AFG2A: variants seen among roughly 807,000 people sequenced by gnomAD.
AFG2A encodes ATPase family gene 2 protein homolog A.
At chr4:123,063,162 A>T in the AFG2A span, among the ~76,000 whole-genome samples, 1 of 152,102 alleles carries the variant, frequency 6.6e-6, no homozygotes, top group African/African-American at 2.4e-5. Context: ...TATTTTGTTC[A>T]TTTTTTTGTT....
the AFG2A span, among the ~76,000 whole-genome samples, chr4:123,006,034 G>A: frequency 1.3e-5 from 2 of 149,476 alleles, no homozygotes; most frequent in Admixed American, 1.3e-4. Context: ...CTGGTATCAT[G>A]TTCCTTACTC....
chr4:123,061,318 A>T, the AFG2A span, among the ~76,000 whole-genome samples: 2 of 152,214 alleles, frequency 1.3e-5, no homozygotes, highest in Admixed American at 1.3e-4. Flanking sequence ...TTACCAGTTT[A>T]CTGGATTAGT....
chr4:123,200,319 T>C, the AFG2A span, among the ~76,000 whole-genome samples: 1 of 152,258 alleles, frequency 6.6e-6, no homozygotes, highest in African/African-American at 2.4e-5. Context: ...TTATTTCATA[T>C]GGTACTCAGA....
At chr4:123,253,870 G>A in the AFG2A span, among the ~76,000 whole-genome samples, 1,989 of 152,038 alleles carry the variant, frequency 0.013, 39 homozygotes, top group African/African-American at 0.045. Context: ...GTCCTTGATC[G>A]GTCTTTGGTA....
chr4:123,214,739 A>G, the AFG2A span, among the ~76,000 whole-genome samples: 2 of 152,226 alleles, frequency 1.3e-5, no homozygotes, highest in Non-Finnish European at 2.9e-5. Flanking sequence ...GACGATAAGG[A>G]TGAAGACATG....
chr4:123,171,557 A>G, the AFG2A span, among the ~76,000 whole-genome samples: 1 of 152,088 alleles, frequency 6.6e-6, no homozygotes, highest in Admixed American at 6.6e-5. Context: ...ATTCTAGACT[A>G]TAGTAAGTGA....
At chr4:123,192,454 A>G in the AFG2A span, among the ~76,000 whole-genome samples, 118,995 of 152,160 alleles carry the variant, frequency 0.78, 47,308 homozygotes, top group Non-Finnish European at 0.86. Context: ...GATATGCACC[A>G]TCTAAAGATG....
At chr4:123,007,417 C>T in the AFG2A span, among the ~76,000 whole-genome samples, 1 of 151,448 alleles carries the variant, frequency 6.6e-6, no homozygotes, top group African/African-American at 2.4e-5. Context: ...TATTTGGCAG[C>T]CACTTTTCCG....
the AFG2A span, among the ~76,000 whole-genome samples, chr4:122,926,254 TGTGTG>T: frequency 1.3e-5 from 2 of 152,116 alleles, no homozygotes; most frequent in Non-Finnish European, 2.9e-5. Flanking sequence ...TGAGAACACT[TGTGTG>T]GTAATTGTCA....
chr4:123,057,122 G>C, the AFG2A span: 1 of 1,362,688 alleles, frequency 7.3e-7, no homozygotes, highest in Non-Finnish European at 1.0e-6. Context: ...TAATAGGTTT[G>C]GTTCTAAATA....
chr4:123,278,108 G>T, the AFG2A span, among the ~76,000 whole-genome samples: 1 of 151,958 alleles, frequency 6.6e-6, no homozygotes, highest in Non-Finnish European at 1.5e-5. Context: ...TTTCTTGGTT[G>T]GTAGGCTTTT....
the AFG2A span, among the ~76,000 whole-genome samples, chr4:123,190,117 A>T: frequency 6.6e-6 from 1 of 152,102 alleles, no homozygotes; most frequent in Non-Finnish European, 1.5e-5. Context: ...AATATTGGAA[A>T]TACACTGTTC....
chr4:122,942,168 C>T, the AFG2A span, among the ~76,000 whole-genome samples: 1 of 150,762 alleles, frequency 6.6e-6, no homozygotes, highest in Non-Finnish European at 1.5e-5. Context: ...AGGGAGGATT[C>T]CCTCTTTTTC....
the AFG2A span, among the ~76,000 whole-genome samples, chr4:123,103,638 C>T: frequency 2.6e-4 from 39 of 151,892 alleles, no homozygotes; most frequent in African/African-American, 8.9e-4. Flanking sequence ...ACATAGTATC[C>T]GACAATCTCA....
the AFG2A span, among the ~76,000 whole-genome samples, chr4:122,985,229 G>T: frequency 6.6e-6 from 1 of 151,308 alleles, no homozygotes; most frequent in African/African-American, 2.4e-5. Context: ...AGATTCAAGC[G>T]ATTCTCCTCC....
chr4:123,067,837 C>T, the AFG2A span, among the ~76,000 whole-genome samples: 1 of 152,124 alleles, frequency 6.6e-6, no homozygotes, highest in Non-Finnish European at 1.5e-5. Flanking sequence ...GTCTCTGTTA[C>T]TGCTATTCAT....
the AFG2A span, among the ~76,000 whole-genome samples, chr4:123,044,687 T>C: frequency 6.6e-6 from 1 of 152,128 alleles, no homozygotes; most frequent in African/African-American, 2.4e-5. Flanking sequence ...AATACATCTT[T>C]TACATGAACT....
At chr4:123,121,899 T>C in the AFG2A span, among the ~76,000 whole-genome samples, 1 of 152,342 alleles carries the variant, frequency 6.6e-6, no homozygotes, top group Admixed American at 6.5e-5. Context: ...TATAAAAAGA[T>C]GAGTGTATTC....
chr4:122,942,116 C>G, the AFG2A span, among the ~76,000 whole-genome samples: 1,364 of 150,522 alleles, frequency 9.1e-3, 8 homozygotes, highest in Non-Finnish European at 0.014. Flanking sequence ...TGTCTCTGCC[C>G]GGCTTTGGTA....
Sources: gnomAD v4.1 joint callset for allele counts (sites outside exome capture counted in the v4.1 genomes callset) on GRCh38, gnomAD v4.1.1 for gene constraint, MANE v1.5 for transcripts, NCBI Gene and HGNC (gene_info 2026-07-23, HGNC 2026-07-21) for gene names.